The following EP400 variants were observed in gnomAD, a reference collection of about 807,000 sequenced individuals.
The protein encoded by EP400 is E1A-binding protein p400.
EP400 carries 105 observed loss-of-function variants against 354.1 expected under a neutral mutation model. That is an observed-to-expected ratio of 0.30 (90% confidence interval 0.25 to 0.35). The LOEUF (loss-of-function observed/expected upper bound fraction) is 0.35. EP400 is among the 10% of genes least tolerant of loss of function. The pLI, the probability that EP400 is intolerant of heterozygous loss-of-function variation, is 1.00. For missense variants in EP400, 3,280 were observed against 4,121.0 expected (o/e 0.80, Z 5.59); for synonymous variants, 1,646 against 1,716.9 (o/e 0.96, Z 1.02).
At chr12:131,950,350 C>T (rs1302055690) in intron 1 of EP400, among the ~76,000 whole-genome samples, 1 of 152,122 alleles carries the variant, frequency 6.6e-6, no homozygotes, top group Non-Finnish European at 1.5e-5. Context: ...GGCGCGGCGG[C>T]GTTGCGGGAA....
intron 45 of EP400, among the ~76,000 whole-genome samples, 170 bp downstream of exon 45, chr12:132,055,378 G>T (rs1216717408): frequency 6.6e-6 from 1 of 152,064 alleles, no homozygotes; most frequent in Non-Finnish European, 1.5e-5. Flanking sequence ...GAAACATTCA[G>T]CTGTTTAGGG....
chr12:131,985,823 G>C (rs1892835675), intron 5 of EP400, among the ~76,000 whole-genome samples: 1 of 152,156 alleles, frequency 6.6e-6, no homozygotes, highest in African/African-American at 2.4e-5. Flanking sequence ...GGTCAGGCTG[G>C]TCTTGAACTC....
intron 3 of EP400, among the ~76,000 whole-genome samples, chr12:131,980,244 A>G (rs1892635237): frequency 6.6e-6 from 1 of 152,178 alleles, no homozygotes; most frequent in Admixed American, 6.5e-5. Context: ...AATGTTTCCC[A>G]TATTCTCTCT....
intron 1 of EP400, among the ~76,000 whole-genome samples, chr12:131,956,873 C>CTTTTT (rs58567170): frequency 6.9e-5 from 8 of 115,366 alleles, no homozygotes; most frequent in Non-Finnish European, 9.9e-5. Flanking sequence ...TTTTTTTGTC[C>CTTTTT]TTTTTTTTTT....
rs768590724 is a variant in EP400, at chr12:132,062,500, A to C, written c.8133A>C (p.Thr2711=). The C allele has an allele frequency of 6.2e-7, 1 of 1,612,356 alleles. No individual in the cohort carries two copies. The highest frequency in any genetic ancestry group is 8.5e-7 in the Non-Finnish European group (1 of 1,179,582). The part of the protein sequence containing the change: ...TGVQLPGKTI[T]PAHFQLLRQQ... ...TTCAGCTCCCTGGAAAAACCATCAC[A>C]CCTGCACATTTCCAGCTTCTCAGGC... The change falls in exon 47 of 53, where the codon ACA becomes ACC. Residue 2711 remains threonine, a synonymous_variant. Transcript: ENST00000389561.
Position 132,025,851 on chromosome 12 carries a change from C to G in EP400, c.5014+47C>G, listed in dbSNP as rs1593356011. On this transcript the variant is annotated intron_variant, in intron 25 of 52. Transcript: ENST00000389561. The surrounding 1 kb of genome is among the most constrained non-coding windows in gnomAD (Gnocchi z 4.1). ...GGAGACTTGGCTTGGATGCTTCTTTCTCTTCCATCTAAGGCGAGTGGAAAG... is the reference window on the plus strand; with the variant it reads ...GGAGACTTGGCTTGGATGCTTCTTTGTCTTCCATCTAAGGCGAGTGGAAAG... 5 of 1,522,094 alleles carry G rather than the reference C, an allele frequency of 3.3e-6. No individual in the cohort carries two copies. The highest frequency in any genetic ancestry group is 2.3e-5 in the East Asian group (1 of 43,190). The allele number at this position is 1,522,094 out of a possible 1,614,324, so 94.3% of individuals were successfully genotyped here.
rs916497538 is a variant in EP400 at position 132,054,148 on chromosome 12, G to C, written c.7728+551G>C. ...GTGTATCTCTGTACTGTGTGCGTCCGTGTGCCACACAGACGCTGAAATCAT... is the reference window on the plus strand; with the variant it reads ...GTGTATCTCTGTACTGTGTGCGTCCCTGTGCCACACAGACGCTGAAATCAT... On this transcript the variant is annotated intron_variant, in intron 43 of 52. Transcript: ENST00000389561. This position sits in a 1 kb window ranked among gnomAD's most constrained non-coding sequence, Gnocchi z 4.0. 6.6e-6 allele frequency among the ~76,000 whole-genome samples: 1 copy of C among 152,232 alleles called. No individual in the cohort carries two copies. Among genetic ancestry groups the C allele is most frequent in the Non-Finnish European group, 1.5e-5 (1 of 68,040 alleles).
At chr12:132,032,318 T>C (rs765073174) in intron 30 of EP400, among the ~76,000 whole-genome samples, 169 bp downstream of exon 30, 3 of 152,254 alleles carry the variant, frequency 2.0e-5, no homozygotes, top group African/African-American at 7.2e-5. Context: ...AGACAATGCA[T>C]GATATCTAAT....
chr12:131,957,227 T>G (rs1190598479), intron 1 of EP400, among the ~76,000 whole-genome samples: 5 of 152,200 alleles, frequency 3.3e-5, no homozygotes, highest in African/African-American at 1.2e-4. Context: ...CTTACCGATT[T>G]GTATGAGTGC....
Position 132,015,577 on chromosome 12 carries a change from G to T in EP400, c.3923+1664G>T, listed in dbSNP as rs553356152. ...CACAATATGGTGGTTTGCCTTCAGG[G>T]TTGCAGTGTCGTCTGAGGTGTGAGA... On this transcript the variant is annotated intron_variant, in intron 19 of 52. Coordinates refer to ENST00000389561, the MANE Select transcript of EP400 (RefSeq NM_015409.5). Among the ~76,000 whole-genome samples, 447 of 152,292 alleles carry T rather than the reference G, an allele frequency of 2.9e-3. 4 individuals are homozygous for T. Among genetic ancestry groups the T allele is most frequent in the African/African-American group, 0.01 (433 of 41,548 alleles).
intron 15 of EP400, among the ~76,000 whole-genome samples, chr12:132,010,701 G>A (rs1893735709): frequency 6.6e-6 from 1 of 152,190 alleles, no homozygotes; most frequent in African/African-American, 2.4e-5. Context: ...CAGCACGTTG[G>A]GAGGCCGAGG....
intron 2 of EP400, among the ~76,000 whole-genome samples, chr12:131,979,206 C>T (rs955924536): frequency 1.2e-4 from 17 of 147,360 alleles, no homozygotes; most frequent in African/African-American, 3.5e-4. Flanking sequence ...AGCGAGACTC[C>T]GTCTCAAAAA....
intron 50 of EP400, chr12:132,069,262 G>T (rs894770681): frequency 1.1e-5 from 6 of 533,496 alleles, no homozygotes; most frequent in Non-Finnish European, 1.9e-5. Flanking sequence ...TGCAGGCAAC[G>T]GCCAGGCCTC....
chr12:131,970,388 T>C (rs1892248265), intron 2 of EP400, among the ~76,000 whole-genome samples: 1 of 152,214 alleles, frequency 6.6e-6, no homozygotes, highest in Admixed American at 6.5e-5. Context: ...GGTCTAGTTA[T>C]TTGGAAACGT....
intron 19 of EP400, among the ~76,000 whole-genome samples, chr12:132,015,190 T>G (rs1172351567): frequency 6.6e-6 from 1 of 152,208 alleles, no homozygotes; most frequent in Non-Finnish European, 1.5e-5. Flanking sequence ...ACTGTGGAAT[T>G]TCTCAGTCCT....
chr12:132,044,169 C>T lies in EP400; in HGVS notation c.6451-8C>T, dbSNP rs1895006337. ...GATCCTGAAAGTTCTTGCTGCTCTC[C>T]CCGTCAGGACGCAGTGATGACTGCA... is the stretch of plus-strand genomic sequence containing the variant. On this transcript the variant is annotated splice_polypyrimidine_tract_variant and splice_region_variant and intron_variant, in intron 34 of 52. Transcript: ENST00000389561. 3.1e-6 allele frequency: 5 copies of T among 1,612,962 alleles called. No individual in the cohort carries two copies. Among genetic ancestry groups the T allele is most frequent in the Non-Finnish European group, 4.2e-6 (5 of 1,179,076 alleles).
rs765810918 is a variant in EP400 at position 132,050,664 on chromosome 12, C to G, written c.7394+9C>G. 11 of 1,614,104 alleles carry G rather than the reference C, an allele frequency of 6.8e-6. No individual in the cohort carries two copies. Among genetic ancestry groups the G allele is most frequent in the Admixed American group, 6.7e-5 (4 of 60,014 alleles). On this transcript the variant is annotated intron_variant, in intron 41 of 52. Coordinates refer to ENST00000389561, the MANE Select transcript of EP400 (RefSeq NM_015409.5). This position sits in a 1 kb window ranked among gnomAD's most constrained non-coding sequence, Gnocchi z 4.8. ...TCTGTGTTGGCAGAAAGGTATTTCT[C>G]TATTCGTGACACATTTGTTACTGTT...
intron 2 of EP400, 42 bp from the exon 3 acceptor site, chr12:131,979,652 C>A (rs918236028): frequency 6.4e-7 from 1 of 1,554,022 alleles, no homozygotes; most frequent in Non-Finnish European, 8.8e-7. Context: ...CTTGTAATGG[C>A]CTTCAGTGAT....
In EP400 at chr12:132,018,986, G is replaced by A. The variant is rs1282235866; in HGVS notation, c.4277+610G>A. ...CAGTCTTGTGATCCTTGCCATTCCA[G>A]GAGTTCTGCAGTCTTTCTTGTTGGC... On this transcript the variant is annotated intron_variant, in intron 21 of 52. Coordinates refer to ENST00000389561, the MANE Select transcript of EP400 (RefSeq NM_015409.5). This position sits in a 1 kb window ranked among gnomAD's most constrained non-coding sequence, Gnocchi z 4.0. Among the ~76,000 whole-genome samples, 1 of 152,220 alleles carries A rather than the reference G, an allele frequency of 6.6e-6. No individual in the cohort carries two copies. The highest frequency in any genetic ancestry group is 1.5e-5 in the Non-Finnish European group (1 of 68,038).
Sources: allele counts gnomAD v4.1 joint callset (sites outside exome capture counted in the v4.1 genomes callset), GRCh38; gene constraint gnomAD v4.1.1; non-coding constraint Gnocchi (gnomAD v3.1); transcripts MANE v1.5; gene names NCBI Gene and HGNC (gene_info 2026-07-23, HGNC 2026-07-21).